The following CARS1 variants were observed in gnomAD, a reference collection of about 807,000 sequenced individuals.
CARS1 encodes the protein cysteine--tRNA ligase, cytoplasmic.
Under a neutral mutation model 106.2 loss-of-function variants are expected in CARS1, and 48 were observed. The ratio of observed to expected loss-of-function variants is 0.45; its 90% CI spans 0.36 to 0.57. The LOEUF (loss-of-function observed/expected upper bound fraction) is 0.57. Among genes scored for constraint, CARS1 ranks in the 20% least tolerant of loss-of-function variants. The pLI is 0.00. For synonymous variants in CARS1, 409 were observed against 403.4 expected (o/e 1.01, Z -0.17); for missense variants, 968 against 1,057.2 (o/e 0.92, Z 1.17).
chr11:3,025,901 A>G (rs1852022191), intron 10 of CARS1, among the ~76,000 whole-genome samples: 1 of 152,162 alleles, frequency 6.6e-6, no homozygotes, highest in South Asian at 2.1e-4. Context: ...CCTAAACCTC[A>G]CATGCTCAGC....
chr11:3,023,633 G>A (rs563453060), intron 10 of CARS1, among the ~76,000 whole-genome samples: 4 of 152,036 alleles, frequency 2.6e-5, no homozygotes, highest in African/African-American at 7.2e-5. Context: ...GGCCTCAAGC[G>A]ATCCTCCTGC....
Position 3,040,995 on chromosome 11 carries a change from A to G in CARS1, c.367-11T>C, listed in dbSNP as rs756302809. ...AGGTATGAACACTTCCTTTGTTAGG[A>G]ATGAAGGAATGACGATCACAAGAAA... On this transcript the variant is annotated splice_polypyrimidine_tract_variant and intron_variant, in intron 3 of 22. Transcript: ENST00000380525. This position sits in a 1 kb window ranked among gnomAD's most constrained non-coding sequence, Gnocchi z 5.8. 6.2e-7 allele frequency: 1 copy of G among 1,614,184 alleles called. No individual in the cohort carries two copies. The highest frequency in any genetic ancestry group is 1.1e-5 in the South Asian group (1 of 91,072).
Position 3,028,410 on chromosome 11 carries a change from T to G in CARS1, c.1031+586A>C. The stretch of plus-strand genomic sequence containing the variant: ...TTCTACAATCTCTCATCTCCACACA[T>G]GGGGAGAAAAACCCACCGACCCTGT... On this transcript the variant is annotated intron_variant, in intron 9 of 22. Transcript: ENST00000380525. The surrounding 1 kb of genome is among the most constrained non-coding windows in gnomAD (Gnocchi z 4.4). The G allele has an allele frequency of 3.2e-6, 1 of 312,650 alleles. No individual in the cohort carries two copies. Among genetic ancestry groups the G allele is most frequent in the South Asian group, 4.3e-5 (1 of 23,116 alleles). The allele number at this position is 312,650 out of a possible 1,614,324, so 19.4% of individuals were successfully genotyped here.
intron 22 of CARS1, 131 bp downstream of exon 22, chr11:3,001,839 G>T: frequency 1.3e-6 from 1 of 780,874 alleles, no homozygotes; most frequent in South Asian, 1.5e-5. Flanking sequence ...ACCTAAAGCG[G>T]GTGTCAGATT....
In CARS1 at chr11:3,038,099, T is replaced by C; in HGVS notation, c.752A>G (p.Lys251Arg). 1 of 1,614,204 alleles carries C rather than the reference T, an allele frequency of 6.2e-7. No homozygotes were observed. ...AVQLATEPLE[K>R]AVQSRLTGEE... ...TCCCGTGAGTCTGGACTGCACAGCT[T>C]TCTCAAGTGGCTCTGTGGCAAGCTG... The change falls in exon 7 of 23, where the codon AAA becomes AGA. Residue 251 changes from lysine (K) to arginine (R), a missense_variant. Physicochemically the swap from Lys to Arg is conservative, Grantham distance 26. Coordinates refer to ENST00000380525, the MANE Select transcript of CARS1 (RefSeq NM_001014437.3). The surrounding 1 kb of genome is among the most constrained non-coding windows in gnomAD (Gnocchi z 4.0).
intron 10 of CARS1, among the ~76,000 whole-genome samples, chr11:3,023,519 T>C (rs933859609): frequency 4.6e-5 from 7 of 152,142 alleles, no homozygotes; most frequent in African/African-American, 1.2e-4. Context: ...CTCAGCCTTC[T>C]GAGTAACTGG....
chr11:3,040,049 A>G lies in CARS1; in HGVS notation c.456-118T>C. 1 of 581,294 alleles carries G rather than the reference A, an allele frequency of 1.7e-6. No individual in the cohort carries two copies. The highest frequency in any genetic ancestry group is 3.2e-5 in the East Asian group (1 of 31,648). The allele number at this position is 581,294 out of a possible 1,614,324, so 36.0% of individuals were successfully genotyped here. A position where few individuals can be genotyped will look rare whatever the true frequency, so the allele number is the denominator to read the frequency against. On this transcript the variant is annotated intron_variant, in intron 4 of 22. Coordinates refer to ENST00000380525, the MANE Select transcript of CARS1 (RefSeq NM_001014437.3). The surrounding 1 kb of genome is among the most constrained non-coding windows in gnomAD (Gnocchi z 5.8). Reference sequence around the variant, plus strand: ...TATATGATTTTCTCTGCCATCCCTGAAACAGCAAGACCCCCCCTTCTCCTC... The same window carrying G: ...TATATGATTTTCTCTGCCATCCCTGGAACAGCAAGACCCCCCCTTCTCCTC...
chr11:3,020,479 A>G lies in CARS1; in HGVS notation c.1154-147T>C. The G allele has an allele frequency of 1.6e-6, 1 of 627,880 alleles. No individual in the cohort carries two copies. Among genetic ancestry groups the G allele is most frequent in the South Asian group, 1.8e-5 (1 of 54,668 alleles). The allele number at this position is 627,880 out of a possible 1,614,324, so 38.9% of individuals were successfully genotyped here. A position where few individuals can be genotyped will look rare whatever the true frequency, so the allele number is the denominator to read the frequency against. ...CTTGGCTCAAGCATTTCTTCAAGTT[A>G]ACTATGTATTACCAGATTCTGGTGT... On this transcript the variant is annotated intron_variant, in intron 10 of 22. Transcript: ENST00000380525. The surrounding 1 kb of genome is among the most constrained non-coding windows in gnomAD (Gnocchi z 4.6).
chr11:3,055,051 G>A (rs1388236943), intron 1 of CARS1: 3 of 685,748 alleles, frequency 4.4e-6, no homozygotes, highest in Admixed American at 4.4e-5. Flanking sequence ...TGTACACCCA[G>A]TGAGATCAGG....
chr11:3,031,355 G>A (rs1427029843), intron 7 of CARS1: 1 of 151,764 alleles, frequency 6.6e-6, no homozygotes, highest in Non-Finnish European at 1.5e-5. Flanking sequence ...GAACAAACAG[G>A]GAAATATACA....
Position 3,029,552 on chromosome 11 carries a change from T to C in CARS1, c.802-109A>G, listed in dbSNP as rs1198477937. 1 of 1,264,924 alleles carries C rather than the reference T, an allele frequency of 7.9e-7. No individual in the cohort carries two copies. The highest frequency in any genetic ancestry group is 1.1e-6 in the Non-Finnish European group (1 of 914,108). 78.4% of individuals were successfully genotyped at this position (1,264,924 alleles called of 1,614,324 possible). ...TGCCCTGAATTCAAAGGTGCTGACC[T>C]TGACCTGTGAAGAGCCACCGTCTCC... On this transcript the variant is annotated intron_variant, in intron 7 of 22. Coordinates refer to ENST00000380525, the MANE Select transcript of CARS1 (RefSeq NM_001014437.3). This position sits in a 1 kb window ranked among gnomAD's most constrained non-coding sequence, Gnocchi z 5.9.
At chr11:3,033,320 G>C (rs1565077690) in intron 7 of CARS1, among the ~76,000 whole-genome samples, 2 of 152,108 alleles carry the variant, frequency 1.3e-5, no homozygotes, top group Non-Finnish European at 2.9e-5. Flanking sequence ...ACACACAGGG[G>C]CCACAACACA....
chr11:3,049,033 T>C (rs540636038), intron 1 of CARS1, among the ~76,000 whole-genome samples: 1 of 152,354 alleles, frequency 6.6e-6, no homozygotes, highest in East Asian at 1.9e-4. Context: ...ACCAGCTCCA[T>C]GGCTTTTTTC....
chr11:3,001,117 C>G lies in CARS1; in HGVS notation c.2493G>C (p.Gln831His). ...AAAAAGTCAGTCCTGTGCCCCCTCA[C>G]TGGAAGCTTCCATTCTGGGCCATCT... ...YLQMAQNGSF[Q>H] The change falls in exon 23 of 23, where the codon CAG (glutamine) becomes CAC (histidine). Residue 831 changes from glutamine to histidine, a missense_variant. Transcript: ENST00000380525. 1 of 1,614,062 alleles carries G rather than the reference C, an allele frequency of 6.2e-7. No homozygotes were observed. Among genetic ancestry groups the G allele is most frequent in the African/African-American group, 1.3e-5 (1 of 75,058 alleles).
chr11:3,042,103 G>T, intron 3 of CARS1, 62 bp downstream of exon 3: 1 of 1,243,510 alleles, frequency 8.0e-7, no homozygotes, highest in Non-Finnish European at 1.2e-6. Context: ...AAGGCACATG[G>T]GCTGTCCTGC....
At chr11:3,054,771 G>A (rs940374829) in intron 1 of CARS1, 4 of 657,854 alleles carry the variant, frequency 6.1e-6, no homozygotes, top group African/African-American at 5.4e-5. Flanking sequence ...CAGATGCAAA[G>A]CATTTAGAGC....
intron 1 of CARS1, among the ~76,000 whole-genome samples, chr11:3,051,535 A>C (rs1479902609): frequency 6.6e-6 from 1 of 152,180 alleles, no homozygotes; most frequent in Non-Finnish European, 1.5e-5. Flanking sequence ...ACTCTAAATA[A>C]ATATCAGACT....
At chr11:3,047,494 C>T (rs1672829558) in intron 2 of CARS1, among the ~76,000 whole-genome samples, 1 of 152,180 alleles carries the variant, frequency 6.6e-6, no homozygotes, top group African/African-American at 2.4e-5. Flanking sequence ...CTCTGCACCC[C>T]ACCACCTCAG....
chr11:3,048,311 T>C lies in CARS1; in HGVS notation c.26-310A>G, dbSNP rs1564791999. On this transcript the variant is annotated intron_variant, in intron 1 of 22. Transcript: ENST00000380525. This position sits in a 1 kb window ranked among gnomAD's most constrained non-coding sequence, Gnocchi z 5.1. ...ACAGAATTGTGTACTTTTCACTTTA[T>C]GTCATATAAATTACTTAGTTTTTAC... 1 of 282,300 alleles carries C rather than the reference T, an allele frequency of 3.5e-6. No individual in the cohort carries two copies. The highest frequency in any genetic ancestry group is 6.7e-6 in the Non-Finnish European group (1 of 149,684). 17.5% of individuals were successfully genotyped at this position (282,300 alleles called of 1,614,324 possible). A position where few individuals can be genotyped will look rare whatever the true frequency, so the allele number is the denominator to read the frequency against.
Sources: gnomAD v4.1 joint callset for allele counts (sites outside exome capture counted in the v4.1 genomes callset) on GRCh38, gnomAD v4.1.1 for gene constraint, Gnocchi (gnomAD v3.1) non-coding constraint, MANE v1.5 for transcripts, NCBI Gene and HGNC (gene_info 2026-07-23, HGNC 2026-07-21) for gene names.